The following ZNF776 variants were observed in gnomAD, a reference collection of about 807,000 sequenced individuals.
ZNF776 encodes the protein zinc finger protein 776.
A neutral mutation model predicts 7.0 loss-of-function variants in ZNF776; 4 were observed. The ratio of observed to expected loss-of-function variants is 0.57; its 90% confidence interval spans 0.28 to 1.31. The LOEUF (loss-of-function observed/expected upper bound fraction) is 1.31, where lower values mean the gene tolerates loss of function less well. ZNF776 is among the 50% of genes most tolerant of loss of function. The probability of loss-of-function intolerance (pLI) is 0.10; values close to 1 mark genes in which losing one functional copy is unlikely to be tolerated. For missense variants in ZNF776, 555 were observed against 625.9 expected, an observed-to-expected ratio of 0.89 and a Z score of 1.21; for synonymous variants, 212 against 213.7, an observed-to-expected ratio of 0.99 and a Z score of 0.07.
In ZNF776 at chr19:57,756,275, TC is replaced by T. The variant is rs1229628352; in HGVS notation, c.*1589del. 1.2e-5 allele frequency: 1 copy of T among 80,216 alleles called. No individual in the cohort carries two copies. The highest frequency in any genetic ancestry group is 2.2e-5 in the Non-Finnish European group (1 of 45,732). The allele number at this position is 80,216 out of a possible 1,614,324, so 5.0% of individuals were successfully genotyped here. On this transcript the variant is annotated 3_prime_UTR_variant, in exon 3 of 3. Coordinates refer to ENST00000317178, the MANE Select transcript of ZNF776 (RefSeq NM_173632.4). ...ATTCTTAAAATGGAATTTTCCAGCC[TC>T]TTAACTCACCAACCCAAGTACAAGC...
In ZNF776 at chr19:57,747,010, C is replaced by G; in HGVS notation, c.-49C>G. 5.9e-6 allele frequency: 9 copies of G among 1,538,178 alleles called. No homozygotes were observed. The highest frequency in any genetic ancestry group is 7.0e-6 in the Non-Finnish European group (8 of 1,137,626). The stretch of plus-strand genomic sequence containing the variant: ...GATCGGGACCACCGTGCCCGGGTAC[C>G]TGCACTGCTCGCCCCCTCCTTTCGA... On this transcript the variant is annotated 5_prime_UTR_variant, in exon 1 of 3. Transcript: ENST00000317178.
At chr19:57,753,162 G>A in intron 2 of ZNF776, 129 bp from the exon 3 acceptor site, 2 of 824,746 alleles carry the variant, frequency 2.4e-6, no homozygotes, top group Non-Finnish European at 3.9e-6. Context: ...GCATGTGGGT[G>A]CTATATAAAA....
chr19:57,753,355 C>A lies in ZNF776; in HGVS notation c.225C>A (p.Ser75=), dbSNP rs113708527. Residue 75 remains serine (S), a synonymous_variant, in exon 3 of 3, where the codon TCC becomes TCA. Transcript: ENST00000317178. ...SKQTLSIQQE[S]PLRTHWTGVC... is the part of the protein sequence containing the mutation. ...AGACCCTTTCTATACAACAGGAGTCCCCACTCAGGACACATTGGACAGGTG... is the reference window on the plus strand; with the variant it reads ...AGACCCTTTCTATACAACAGGAGTCACCACTCAGGACACATTGGACAGGTG... 22 of 1,614,036 alleles carry A rather than the reference C, an allele frequency of 1.4e-5. No homozygotes were observed. Among genetic ancestry groups the A allele is most frequent in the Non-Finnish European group, 1.9e-5 (22 of 1,180,034 alleles).
chr19:57,747,783 C>T (rs913213506), intron 1 of ZNF776, among the ~76,000 whole-genome samples: 1 of 152,036 alleles, frequency 6.6e-6, no homozygotes, highest in Non-Finnish European at 1.5e-5. Context: ...GTTATTCCCT[C>T]ACTGGCCCTA....
Position 57,746,815 on chromosome 19 carries a change from A to C in ZNF776, c.-244A>C. On this transcript the variant is annotated 5_prime_UTR_variant, in exon 1 of 3. Transcript: ENST00000317178. ...GGTGGGACTTCCGGCGTCCTCTACT[A>C]GTGGCCATTTTGATTGGTGTTGGGT... 3 of 409,678 alleles carry C rather than the reference A, an allele frequency of 7.3e-6. No homozygotes were observed. Among genetic ancestry groups the C allele is most frequent in the Non-Finnish European group, 1.3e-5 (3 of 229,030 alleles). 25.4% of individuals were successfully genotyped at this position (409,678 alleles called of 1,614,324 possible).
Position 57,753,936 on chromosome 19 carries a change from G to A in ZNF776, c.806G>A (p.Cys269Tyr), listed in dbSNP as rs765234952. Reference protein sequence around the residue: ...TGKRPYQCGQCDESFWYKAHL... With the variant: ...TGKRPYQCGQYDESFWYKAHL... ...AAAAGACCTTATCAGTGTGGACAATGTGATGAATCATTTTGGTATAAGGCC... is the reference window on the plus strand; with the variant it reads ...AAAAGACCTTATCAGTGTGGACAATATGATGAATCATTTTGGTATAAGGCC... The change falls in exon 3 of 3, where the codon TGT (cysteine) becomes TAT (tyrosine). Residue 269 changes from cysteine (C) to tyrosine (Y), a missense_variant. By Grantham distance (194) the Cys-to-Tyr change is radical. Transcript: ENST00000317178. 2.5e-6 allele frequency: 4 copies of A among 1,614,236 alleles called. No individual in the cohort carries two copies. Among genetic ancestry groups the A allele is most frequent in the Non-Finnish European group, 3.4e-6 (4 of 1,180,046 alleles).
At chr19:57,751,434 T>A (rs1364204679) in intron 2 of ZNF776, among the ~76,000 whole-genome samples, 2 of 152,176 alleles carry the variant, frequency 1.3e-5, no homozygotes, top group East Asian at 3.8e-4. Context: ...CAGTCATAGC[T>A]CACTGTAGCC....
rs1013641777 is a variant in ZNF776, at chr19:57,755,801, C to G, written c.*1114C>G. The G allele has an allele frequency of 1.3e-5, 2 of 152,208 alleles. No individual in the cohort carries two copies. The highest frequency in any genetic ancestry group is 1.3e-4 in the Admixed American group (2 of 15,280). 9.4% of individuals were successfully genotyped at this position (152,208 alleles called of 1,614,324 possible). ...TTCATCTCTACCACTTGGCAGGTAC[C>G]TACAGTGCATCACTCATGCACTCCA... On this transcript the variant is annotated 3_prime_UTR_variant, in exon 3 of 3. Transcript: ENST00000317178.
At chr19:57,748,257 A>G (rs1319761940) in intron 1 of ZNF776, among the ~76,000 whole-genome samples, 2 of 152,222 alleles carry the variant, frequency 1.3e-5, no homozygotes, top group South Asian at 4.1e-4. Context: ...TACACAAAGT[A>G]AGGGCATGAA....
At position 57,747,055 on chromosome 19, in the gene ZNF776, T is replaced by A. The variant is rs1202682606; in HGVS notation, c.-4T>A. 3.2e-6 allele frequency: 5 copies of A among 1,586,752 alleles called. No individual in the cohort carries two copies. In the South Asian group the frequency reaches 5.8e-5, roughly 18 times the overall value. On this transcript the variant is annotated 5_prime_UTR_variant, in exon 1 of 3. Coordinates refer to ENST00000317178, the MANE Select transcript of ZNF776 (RefSeq NM_173632.4). ...TTTCGACCCCGCTTTCCCCACCCAGTCGGATGGCGGCGGCCGCGCTGAGGC... is the reference window on the plus strand; with the variant it reads ...TTTCGACCCCGCTTTCCCCACCCAGACGGATGGCGGCGGCCGCGCTGAGGC...
chr19:57,757,038 T>C lies in ZNF776; in HGVS notation c.*2351T>C. 3.4e-6 allele frequency: 1 copy of C among 294,988 alleles called. No homozygotes were observed. Among genetic ancestry groups the C allele is most frequent in the South Asian group, 2.9e-5 (1 of 34,920 alleles). 18.3% of individuals were successfully genotyped at this position (294,988 alleles called of 1,614,324 possible). ...TTTTATAGAGATAGGGTTTTGCTAT[T>C]TTACCCTGACTGATGTTCAACTCCT... On this transcript the variant is annotated 3_prime_UTR_variant, in exon 3 of 3. Transcript: ENST00000317178.
At chr19:57,750,291 G>T (rs909718250) in intron 1 of ZNF776, among the ~76,000 whole-genome samples, 5 of 151,734 alleles carry the variant, frequency 3.3e-5, no homozygotes, top group Admixed American at 3.3e-4. Context: ...AAAATTAGCC[G>T]GCACGGTGGC....
At position 57,750,843 on chromosome 19, in the gene ZNF776, T is replaced by G. The variant is rs1986579622; in HGVS notation, c.92T>G (p.Leu31Arg). The change falls in exon 2 of 3, where the codon CTT becomes CGT. Residue 31 changes from leucine (L) to arginine (R), a missense_variant. Transcript: ENST00000317178. The stretch of plus-strand genomic sequence containing the variant: ...TTTTCCCAGGAGGAATGGAGTCTCC[T>G]TAGTGAGGCTCAGAGATGCCTTTAT... ...VNFSQEEWSL[L>R]SEAQRCLYHD... 2.5e-6 allele frequency: 4 copies of G among 1,613,346 alleles called. No individual in the cohort carries two copies. Among genetic ancestry groups the G allele is most frequent in the African/African-American group, 1.3e-5 (1 of 74,884 alleles).
intron 2 of ZNF776, among the ~76,000 whole-genome samples, chr19:57,751,868 G>GTTTTTTT (rs768825787): frequency 0.012 from 777 of 67,482 alleles, 72 homozygotes; most frequent in Middle Eastern, 0.015. Flanking sequence ...TTTTGGTTTT[G>GTTTTTTT]TTTTTTTTTT....
At position 57,755,054 on chromosome 19, in the gene ZNF776, C is replaced by T. The variant is rs1986736601; in HGVS notation, c.*367C>T. On this transcript the variant is annotated 3_prime_UTR_variant, in exon 3 of 3. Coordinates refer to ENST00000317178, the MANE Select transcript of ZNF776 (RefSeq NM_173632.4). ...TAAAATTATTTAGCCAGAAGAGCTG[C>T]ATTACTATTCATCAGATAATTTACA... 1 of 216,146 alleles carries T rather than the reference C, an allele frequency of 4.6e-6. No homozygotes were observed. The highest frequency in any genetic ancestry group is 2.3e-5 in the African/African-American group (1 of 43,222). 13.4% of individuals were successfully genotyped at this position (216,146 alleles called of 1,614,324 possible).
At chr19:57,748,451 C>T (rs143106626) in intron 1 of ZNF776, among the ~76,000 whole-genome samples, 1 of 152,202 alleles carries the variant, frequency 6.6e-6, no homozygotes, top group Non-Finnish European at 1.5e-5. Flanking sequence ...TATGGACATG[C>T]AGGTTGGGGT....
chr19:57,746,997 C>G lies in ZNF776; in HGVS notation c.-62C>G, dbSNP rs775609503. On this transcript the variant is annotated 5_prime_UTR_variant, in exon 1 of 3. Coordinates refer to ENST00000317178, the MANE Select transcript of ZNF776 (RefSeq NM_173632.4). The stretch of plus-strand genomic sequence containing the variant: ...GCACCAAGGCCGGGATCGGGACCAC[C>G]GTGCCCGGGTACCTGCACTGCTCGC... 7 of 1,495,058 alleles carry G rather than the reference C, an allele frequency of 4.7e-6. No individual in the cohort carries two copies. In the East Asian group the frequency reaches 1.0e-4, roughly 21 times the overall value. 92.6% of individuals were successfully genotyped at this position (1,495,058 alleles called of 1,614,324 possible).
chr19:57,753,415 T>C lies in ZNF776; in HGVS notation c.285T>C (p.Cys95=). ...CTKKVHLWGM[C]GPLLGDILHQ... ...AGAAGGTCCACCTCTGGGGAATGTGTGGCCCTCTCCTGGGAGATATCTTAC... is the reference window on the plus strand; with the variant it reads ...AGAAGGTCCACCTCTGGGGAATGTGCGGCCCTCTCCTGGGAGATATCTTAC... The change falls in exon 3 of 3, where the codon TGT becomes TGC. Residue 95 remains cysteine, a synonymous_variant. Coordinates refer to ENST00000317178, the MANE Select transcript of ZNF776 (RefSeq NM_173632.4). The C allele has an allele frequency of 1.2e-6, 2 of 1,614,190 alleles. No individual in the cohort carries two copies. Among genetic ancestry groups the C allele is most frequent in the Non-Finnish European group, 1.7e-6 (2 of 1,180,044 alleles).
At position 57,754,615 on chromosome 19, in the gene ZNF776, G is replaced by A. The variant is rs897209313; in HGVS notation, c.1485G>A (p.Lys495=). Residue 495 remains lysine (K), a synonymous_variant, in exon 3 of 3, where the codon AAG becomes AAA. Coordinates refer to ENST00000317178, the MANE Select transcript of ZNF776 (RefSeq NM_173632.4). The stretch of plus-strand genomic sequence containing the variant: ...CACATGAGTGTGGAGAATGTGGAAA[G>A]TGTTTTCGTCAAAAGGGAAACCTCA... ...ERPHECGECG[K]CFRQKGNLIK... 1 of 1,613,828 alleles carries A rather than the reference G, an allele frequency of 6.2e-7. No homozygotes were observed. The highest frequency in any genetic ancestry group is 1.3e-5 in the African/African-American group (1 of 74,848).
Sources: gnomAD v4.1 joint callset for allele counts (sites outside exome capture counted in the v4.1 genomes callset) on GRCh38, gnomAD v4.1.1 for gene constraint, MANE v1.5 for transcripts, NCBI Gene and HGNC (gene_info 2026-07-23, HGNC 2026-07-21) for gene names.